Variants in KCNH8 observed in about 807,000 individuals in gnomAD.
KCNH8 encodes the protein voltage-gated delayed rectifier potassium channel KCNH8.
KCNH8 carries 70 observed loss-of-function variants against 103.6 expected under a neutral mutation model. That is an observed-to-expected ratio of 0.68 (90% CI 0.56 to 0.82). The LOEUF (loss-of-function observed/expected upper bound fraction) is 0.82, where lower values mean the gene tolerates loss of function less well. KCNH8 is among the 40% of genes least tolerant of loss of function. The pLI, the probability that KCNH8 is intolerant of heterozygous loss-of-function variation, is 0.00. For synonymous variants in KCNH8, 498 were observed against 489.4 expected, an observed-to-expected ratio of 1.02 and a Z score of -0.23; for missense variants, 1,217 against 1,329.9, an observed-to-expected ratio of 0.92 and a Z score of 1.32.
intron 11 of KCNH8, among the ~76,000 whole-genome samples, chr3:19,503,784 A>AGGGGGAG (rs2068637688): frequency 1.7e-5 from 1 of 59,170 alleles, no homozygotes; most frequent in Non-Finnish European, 3.3e-5. Flanking sequence ...ATTGTGGGGT[A>AGGGGGAG]GGGGGAGGGG....
At chr3:19,507,741 C>T (rs570338717) in intron 11 of KCNH8, among the ~76,000 whole-genome samples, 1 of 152,222 alleles carries the variant, frequency 6.6e-6, no homozygotes, top group South Asian at 2.1e-4. Context: ...TTCCACAGGG[C>T]AGCTGCATTG....
chr3:19,321,325 A>G (rs1377933024), intron 3 of KCNH8, among the ~76,000 whole-genome samples: 2 of 152,054 alleles, frequency 1.3e-5, no homozygotes, highest in South Asian at 4.1e-4. Context: ...ATTTAATGGT[A>G]TGAACTTTTC....
intron 2 of KCNH8, among the ~76,000 whole-genome samples, chr3:19,265,840 T>C (rs2064502544): frequency 6.6e-6 from 1 of 152,120 alleles, no homozygotes; most frequent in African/African-American, 2.4e-5. Context: ...TATATTAAAA[T>C]AGTGCTTTAT....
intron 2 of KCNH8, among the ~76,000 whole-genome samples, chr3:19,258,935 CTCTCTCTCTCTCTA>C (rs1311788410): frequency 3.8e-3 from 320 of 83,354 alleles, no homozygotes; most frequent in Middle Eastern, 0.015. Flanking sequence ...CTCTCTCTCT[CTCTCTCTCTCTCTA>C]TATATATATA....
At chr3:19,236,641 G>A (rs967876189) in intron 1 of KCNH8, among the ~76,000 whole-genome samples, 12 of 152,110 alleles carry the variant, frequency 7.9e-5, no homozygotes, top group African/African-American at 2.9e-4. Context: ...GGAAGATGTG[G>A]TATAAGTTTA....
chr3:19,409,310 C>T (rs1297431293), intron 7 of KCNH8, among the ~76,000 whole-genome samples: 1 of 152,076 alleles, frequency 6.6e-6, no homozygotes, highest in African/African-American at 2.4e-5. Flanking sequence ...TACAGACAAG[C>T]AAGCACTAAG....
chr3:19,163,855 T>C (rs2063257415), intron 1 of KCNH8, among the ~76,000 whole-genome samples: 1 of 152,208 alleles, frequency 6.6e-6, no homozygotes, highest in African/African-American at 2.4e-5. Flanking sequence ...TATTTTCTCT[T>C]CTTTATAACT....
chr3:19,303,307 A>G (rs542024622), intron 3 of KCNH8, among the ~76,000 whole-genome samples: 33 of 152,216 alleles, frequency 2.2e-4, no homozygotes, highest in Non-Finnish European at 3.1e-4. Flanking sequence ...TTAAAAAGAC[A>G]TAAACCCACA....
chr3:19,399,602 A>G (rs909115510), intron 7 of KCNH8, among the ~76,000 whole-genome samples: 11 of 152,014 alleles, frequency 7.2e-5, no homozygotes, highest in East Asian at 2.0e-4. Flanking sequence ...GAGTGTGGCA[A>G]TACTGACTCT....
At chr3:19,457,776 C>G (rs1056827243) in intron 11 of KCNH8, among the ~76,000 whole-genome samples, 1 of 151,920 alleles carries the variant, frequency 6.6e-6, no homozygotes, top group African/African-American at 2.4e-5. Flanking sequence ...TGGTTTGGAC[C>G]AACCCATATT....
chr3:19,349,439 C>CA (rs1367096642), intron 5 of KCNH8, among the ~76,000 whole-genome samples: 2 of 152,072 alleles, frequency 1.3e-5, no homozygotes, highest in South Asian at 2.1e-4. Context: ...AGAACTTGGG[C>CA]AGTCACTCAA....
At chr3:19,506,225 C>T (rs1326311997) in intron 11 of KCNH8, among the ~76,000 whole-genome samples, 1 of 152,132 alleles carries the variant, frequency 6.6e-6, no homozygotes, top group Non-Finnish European at 1.5e-5. Flanking sequence ...AGGAAAGAGG[C>T]CACTCTGGCT....
At chr3:19,414,949 A>T (rs905700457) in intron 7 of KCNH8, among the ~76,000 whole-genome samples, 4 of 152,022 alleles carry the variant, frequency 2.6e-5, no homozygotes, top group African/African-American at 9.7e-5. Flanking sequence ...ATAATTGCTT[A>T]ATTTCTATTT....
intron 7 of KCNH8, among the ~76,000 whole-genome samples, chr3:19,424,503 A>C (rs1235914032): frequency 4.6e-5 from 7 of 152,208 alleles, no homozygotes; most frequent in African/African-American, 1.7e-4. Flanking sequence ...GAAACCATAA[A>C]AATTCTATAA....
intron 11 of KCNH8, among the ~76,000 whole-genome samples, chr3:19,464,154 C>G (rs189025546): frequency 6.6e-6 from 1 of 152,078 alleles, no homozygotes; most frequent in Non-Finnish European, 1.5e-5. Flanking sequence ...ACTTTAGAAA[C>G]TAAACCTACA....
chr3:19,498,236 C>T (rs2068488066), intron 11 of KCNH8, among the ~76,000 whole-genome samples: 1 of 152,214 alleles, frequency 6.6e-6, no homozygotes, highest in African/African-American at 2.4e-5. Flanking sequence ...AGCGCATTTA[C>T]ATTCCAAGTT....
intron 8 of KCNH8, among the ~76,000 whole-genome samples, chr3:19,448,310 A>G (rs578013400): frequency 6.6e-6 from 1 of 152,132 alleles, no homozygotes; most frequent in African/African-American, 2.4e-5. Flanking sequence ...TCAGTATTCA[A>G]ATCCAGATCT....
chr3:19,251,457 A>G (rs1303541643), intron 1 of KCNH8, among the ~76,000 whole-genome samples: 1 of 152,030 alleles, frequency 6.6e-6, no homozygotes, highest in Non-Finnish European at 1.5e-5. Context: ...TGATGCTTAC[A>G]TTACACTTGG....
chr3:19,316,145 A>G (rs1254168064), intron 3 of KCNH8, among the ~76,000 whole-genome samples: 1 of 151,982 alleles, frequency 6.6e-6, no homozygotes, highest in Non-Finnish European at 1.5e-5. Flanking sequence ...AAGGTTTTTA[A>G]GTTCGTGTAA....
Sources: allele counts gnomAD v4.1 joint callset (sites outside exome capture counted in the v4.1 genomes callset), GRCh38; gene constraint gnomAD v4.1.1; transcripts MANE v1.5; gene names NCBI Gene and HGNC (gene_info 2026-07-23, HGNC 2026-07-21).